The following ADGRL2 variants were observed in gnomAD, a reference collection of about 807,000 sequenced individuals.
ADGRL2 encodes the protein calcium-independent alpha-latrotoxin receptor 2.
In ADGRL2, 44 loss-of-function variants were observed where a neutral mutation model predicts 157.4. That is an observed-to-expected ratio of 0.28 (90% confidence interval 0.22 to 0.36). The LOEUF (loss-of-function observed/expected upper bound fraction) is 0.36. Ranked by LOEUF, ADGRL2 falls within the 10% of genes least tolerant of loss-of-function variation. The probability of loss-of-function intolerance (pLI) is 1.00; values close to 1 mark genes in which losing one functional copy is unlikely to be tolerated. For missense variants in ADGRL2, 1,510 were observed against 1,768.9 expected (o/e 0.85, Z 2.63); for synonymous variants, 585 against 624.7 (o/e 0.94, Z 0.95).
At chr1:81,856,261 T>C (rs920460116) in intron 2 of ADGRL2, among the ~76,000 whole-genome samples, 1 of 152,130 alleles carries the variant, frequency 6.6e-6, no homozygotes, top group African/African-American at 2.4e-5. Flanking sequence ...CCTTGCAGTT[T>C]TGTTTTAGGA....
chr1:81,508,544 A>G (rs111737923), intron 2 of ADGRL2, among the ~76,000 whole-genome samples: 51 of 152,322 alleles, frequency 3.3e-4, no homozygotes, highest in African/African-American at 1.2e-3. Flanking sequence ...GCTCCCTTGC[A>G]TGCCCTATTG....
chr1:81,328,517 C>T (rs551859595), intron 1 of ADGRL2, among the ~76,000 whole-genome samples: 5 of 152,184 alleles, frequency 3.3e-5, no homozygotes, highest in East Asian at 1.9e-4. Context: ...TTTTTTCTGT[C>T]TCTACCCTAC....
chr1:81,632,911 G>T (rs1295633243), intron 3 of ADGRL2, among the ~76,000 whole-genome samples: 1 of 152,112 alleles, frequency 6.6e-6, no homozygotes, highest in Non-Finnish European at 1.5e-5. Flanking sequence ...AGGGATTTGA[G>T]CAAGGGATTT....
intron 1 of ADGRL2, among the ~76,000 whole-genome samples, chr1:81,405,960 AGG>A (rs2076847262): frequency 6.6e-6 from 1 of 152,224 alleles, no homozygotes; most frequent in African/African-American, 2.4e-5. Flanking sequence ...AATTAATCTG[AGG>A]TTTCAGGCAC....
At position 81,955,722 on chromosome 1, in the gene ADGRL2, T is replaced by C. The variant is rs1653298039; in HGVS notation, c.1834-155T>C. ...AAAATGGTCCAGTTATATTTTAAAATGGACCAGATATATGTTGTCTAGGTG... is the reference window on the plus strand; with the variant it reads ...AAAATGGTCCAGTTATATTTTAAAACGGACCAGATATATGTTGTCTAGGTG... On this transcript the variant is annotated intron_variant, in intron 10 of 23. Coordinates refer to ENST00000686636, the MANE Select transcript of ADGRL2 (RefSeq NM_001366006.2). 4 of 474,274 alleles carry C rather than the reference T, an allele frequency of 8.4e-6. No individual in the cohort carries two copies. In the Admixed American group the frequency reaches 1.2e-4, roughly 15 times the overall value. 29.4% of individuals were successfully genotyped at this position (474,274 alleles called of 1,614,324 possible). A position where few individuals can be genotyped will look rare whatever the true frequency, so the allele number is the denominator to read the frequency against.
chr1:81,483,780 AT>A (rs1436780306), intron 2 of ADGRL2, among the ~76,000 whole-genome samples: 2 of 152,190 alleles, frequency 1.3e-5, no homozygotes, highest in African/African-American at 2.4e-5. Context: ...GTTTCCTTTC[AT>A]AAAACTTTTA....
intron 2 of ADGRL2, among the ~76,000 whole-genome samples, chr1:81,510,847 G>A (rs946852856): frequency 3.6e-4 from 55 of 152,168 alleles, no homozygotes; most frequent in African/African-American, 1.2e-3. Context: ...CTCCTTCTAC[G>A]AAACTATTTG....
chr1:81,570,619 C>T (rs931529250), intron 2 of ADGRL2, among the ~76,000 whole-genome samples: 2 of 152,136 alleles, frequency 1.3e-5, no homozygotes, highest in Admixed American at 1.3e-4. Context: ...GAACTCCTGA[C>T]CTCGGGTGAT....
chr1:81,952,971 T>C lies in ADGRL2; in HGVS notation c.1795-16T>C, dbSNP rs776472943. Reference sequence around the variant, plus strand: ...AAAAATCTAACCTCTGATTTTTCTTTTCTTTTACTTAAAAGCTCCAAAAAC... The same window carrying C: ...AAAAATCTAACCTCTGATTTTTCTTCTCTTTTACTTAAAAGCTCCAAAAAC... On this transcript the variant is annotated splice_polypyrimidine_tract_variant and intron_variant, in intron 9 of 23. Transcript: ENST00000686636. The C allele has an allele frequency of 6.2e-7, 1 of 1,607,292 alleles. No individual in the cohort carries two copies. The highest frequency in any genetic ancestry group is 8.5e-7 in the Non-Finnish European group (1 of 1,175,112).
At chr1:81,715,190 T>G (rs1250552906) in intron 1 of ADGRL2, among the ~76,000 whole-genome samples, 1 of 151,894 alleles carries the variant, frequency 6.6e-6, no homozygotes, top group Non-Finnish European at 1.5e-5. Context: ...TTTTTTTTTT[T>G]TTTTTGGTAA....
chr1:81,474,564 T>C (rs2101885376), intron 2 of ADGRL2, among the ~76,000 whole-genome samples: 1 of 152,296 alleles, frequency 6.6e-6, no homozygotes, highest in South Asian at 2.1e-4. Flanking sequence ...GAGCATGAAG[T>C]AGCTGGTACA....
intron 1 of ADGRL2, among the ~76,000 whole-genome samples, chr1:81,738,615 G>T (rs2084976298): frequency 6.6e-6 from 1 of 152,154 alleles, no homozygotes; most frequent in Admixed American, 6.5e-5. Flanking sequence ...ATGAAGAAGA[G>T]ACCCCTCTAC....
intron 1 of ADGRL2, among the ~76,000 whole-genome samples, chr1:81,337,975 A>G (rs1482804421): frequency 6.6e-6 from 1 of 152,198 alleles, no homozygotes; most frequent in Non-Finnish European, 1.5e-5. Flanking sequence ...TTTTCCAATA[A>G]CCTTCTCTAA....
At chr1:81,896,665 A>G (rs1193746814) in intron 2 of ADGRL2, among the ~76,000 whole-genome samples, 1 of 152,160 alleles carries the variant, frequency 6.6e-6, no homozygotes, top group African/African-American at 2.4e-5. Context: ...CTTCTGGTAC[A>G]TAAGAATTAT....
intron 2 of ADGRL2, among the ~76,000 whole-genome samples, chr1:81,541,168 A>T (rs950980361): frequency 6.6e-6 from 1 of 152,170 alleles, no homozygotes; most frequent in Non-Finnish European, 1.5e-5. Flanking sequence ...AAAGTGATTT[A>T]TTTCTCTTAT....
intron 1 of ADGRL2, among the ~76,000 whole-genome samples, chr1:81,343,530 T>A (rs1662243629): frequency 6.6e-6 from 1 of 152,202 alleles, no homozygotes; most frequent in Admixed American, 6.5e-5. Flanking sequence ...TATAACAAAA[T>A]ACCACATGCT....
chr1:81,589,260 C>G (rs752223395), intron 3 of ADGRL2, among the ~76,000 whole-genome samples: 2 of 152,142 alleles, frequency 1.3e-5, no homozygotes, highest in Non-Finnish European at 2.9e-5. Flanking sequence ...GTCCAATTAA[C>G]ATGATTTTAT....
chr1:81,990,083 GTCT>G lies in ADGRL2; in HGVS notation c.3656-303_3656-301del, dbSNP rs2149536795. On this transcript the variant is annotated intron_variant, in intron 23 of 23. Transcript: ENST00000686636. ...TAACTATGCAAGGGCATGGAGTGAA[GTCT>G]TCTTTGTGTCAGAGATTTGACCAAA... The G allele has an allele frequency of 4.1e-6, 4 of 985,154 alleles. No individual in the cohort carries two copies. The East Asian group carries it at 4.5e-4, about 112-fold the overall frequency. 61.0% of individuals were successfully genotyped at this position (985,154 alleles called of 1,614,324 possible).
chr1:81,945,235 A>G (rs964590304), intron 6 of ADGRL2, among the ~76,000 whole-genome samples: 2 of 152,070 alleles, frequency 1.3e-5, no homozygotes, highest in East Asian at 1.9e-4. Context: ...AGCTGCTACT[A>G]CAATAGTGCT....
Sources: allele counts gnomAD v4.1 joint callset (sites outside exome capture counted in the v4.1 genomes callset), GRCh38; gene constraint gnomAD v4.1.1; transcripts MANE v1.5; gene names NCBI Gene and HGNC (gene_info 2026-07-23, HGNC 2026-07-21).